The following EIF3B variants were observed in gnomAD, a reference collection of about 807,000 sequenced individuals.
EIF3B encodes the protein eukaryotic translation initiation factor 3 subunit 9.
EIF3B carries 10 observed loss-of-function variants against 104.6 expected under a neutral mutation model. The observed-to-expected ratio is 0.10, with a 90% CI of 0.06 to 0.16. The LOEUF (loss-of-function observed/expected upper bound fraction) is 0.16, where lower values mean the gene tolerates loss of function less well. EIF3B is among the 10% of genes least tolerant of loss of function. The pLI is 1.00. For synonymous variants in EIF3B, 542 were observed against 417.2 expected (o/e 1.30, Z -3.65); for missense variants, 1,014 against 1,087.9 (o/e 0.93, Z 0.96).
chr7:2,354,270 T>G (rs948079297), upstream of EIF3B: 1 of 152,282 alleles, frequency 6.6e-6, no homozygotes, highest in African/African-American at 2.4e-5. Context: ...GTGGGCCCTC[T>G]CTGGCTCGCC....
At chr7:2,355,477 G>T (rs1056504068) in intron 1 of EIF3B, 57 bp downstream of exon 1, 5 of 1,397,972 alleles carry the variant, frequency 3.6e-6, no homozygotes, top group Non-Finnish European at 3.7e-6. Flanking sequence ...TGGGGTTCCC[G>T]AGGTGGGAGA....
In EIF3B at chr7:2,355,268, G is replaced by T. The variant is rs1400912902; in HGVS notation, c.347G>T (p.Arg116Leu). The T allele has an allele frequency of 1.3e-6, 2 of 1,531,752 alleles. No homozygotes were observed. Among genetic ancestry groups the T allele is most frequent in the East Asian group, 2.5e-5 (1 of 40,648 alleles). 94.9% of individuals were successfully genotyped at this position (1,531,752 alleles called of 1,614,324 possible). Residue 116 changes from arginine to leucine, a missense_variant, in exon 1 of 19, where the codon CGC becomes CTC. Arg to Leu is a moderately radical substitution (Grantham distance 102, BLOSUM62 -2). Transcript: ENST00000360876. ...CCAGGAGAGCAGGCTCGGGACGAGCGCTCCGACAGCCGGGCCCAGGCGGTG... is the reference window on the plus strand; with the variant it reads ...CCAGGAGAGCAGGCTCGGGACGAGCTCTCCGACAGCCGGGCCCAGGCGGTG... Reference protein sequence around the residue: ...EAPGEQARDERSDSRAQAVSE... With the variant: ...EAPGEQARDELSDSRAQAVSE...
At chr7:2,354,312 T>G (rs7801817), upstream of EIF3B, 108,364 of 152,186 alleles carry the variant, frequency 0.71, 39,785 homozygotes, top group East Asian at 0.85. Context: ...AAGTAGTCTG[T>G]CCTTTTGCTC....
At chr7:2,363,587 T>A (rs938694908) in intron 4 of EIF3B, 45 bp from the exon 5 acceptor site, 2 of 1,551,294 alleles carry the variant, frequency 1.3e-6, no homozygotes, top group Non-Finnish European at 8.7e-7. Flanking sequence ...ATGAGTTTTT[T>A]ATTAAAATTA....
At position 2,369,491 on chromosome 7, in the gene EIF3B, G is replaced by A; in HGVS notation, c.1423G>A (p.Gly475Ser). ...SGIKDFSWSPGGNIIAFWVPE... is the reference protein window; with the variant it reads ...SGIKDFSWSPSGNIIAFWVPE... ...CTGCAGAGACTTTTCTTGGTCTCCTGGTGGTAACATAATCGCCTTCTGGGT... is the reference window on the plus strand; with the variant it reads ...CTGCAGAGACTTTTCTTGGTCTCCTAGTGGTAACATAATCGCCTTCTGGGT... Residue 475 changes from glycine to serine, a missense_variant, in exon 10 of 19, where the codon GGT becomes AGT. By Grantham distance (56) the Gly-to-Ser change is moderately conservative. This residue lies in a region of EIF3B where 201 missense variants were observed against 240.7 expected (regional missense o/e 0.83). Coordinates refer to ENST00000360876, the MANE Select transcript of EIF3B (RefSeq NM_001037283.2). The A allele has an allele frequency of 6.2e-7, 1 of 1,614,146 alleles. No individual in the cohort carries two copies. Among genetic ancestry groups the A allele is most frequent in the South Asian group, 1.1e-5 (1 of 91,086 alleles).
At chr7:2,363,182 G>T (rs547326254) in intron 4 of EIF3B, 55 bp downstream of exon 4, 40 of 1,541,318 alleles carry the variant, frequency 2.6e-5, no homozygotes, top group Non-Finnish European at 3.0e-5. Flanking sequence ...GCTGGGTGTG[G>T]TGGGTCACAC....
At chr7:2,376,898 G>A (rs769534476) in intron 14 of EIF3B, 52 bp from the exon 15 acceptor site, 6 of 1,582,240 alleles carry the variant, frequency 3.8e-6, no homozygotes, top group Non-Finnish European at 5.2e-6. Context: ...CATAGTCACG[G>A]TTGTGGCTCT....
intron 4 of EIF3B, 73 bp from the exon 5 acceptor site, chr7:2,363,559 T>A (rs772319472): frequency 3.6e-6 from 5 of 1,396,748 alleles, no homozygotes; most frequent in Non-Finnish European, 4.9e-6. Flanking sequence ...GTCATATCTT[T>A]AAGAGCAATA....
At chr7:2,371,727 C>G in intron 10 of EIF3B, 50 bp from the exon 11 acceptor site, 1 of 1,368,146 alleles carries the variant, frequency 7.3e-7, no homozygotes, top group Non-Finnish European at 1.0e-6. Context: ...AACCTTTTCT[C>G]ATATTTTCAC....
rs1169915408 is a variant in EIF3B at position 2,355,089 on chromosome 7, G to C, written c.168G>C (p.Gly56=). 2 of 1,335,002 alleles carry C rather than the reference G, an allele frequency of 1.5e-6. No homozygotes were observed. Among genetic ancestry groups the C allele is most frequent in the South Asian group, 3.7e-5 (2 of 53,958 alleles). The allele number at this position is 1,335,002 out of a possible 1,614,324, so 82.7% of individuals were successfully genotyped here. Residue 56 remains glycine (G), a synonymous_variant, in exon 1 of 19, where the codon GGG becomes GGC. Coordinates refer to ENST00000360876, the MANE Select transcript of EIF3B (RefSeq NM_001037283.2). The part of the protein sequence containing the change: ...AGTEASSEEV[G]IAEAGPESEV... ...CCGAGGCCTCCAGTGAGGAGGTGGGGATCGCGGAGGCCGGGCCGGAGTCCG... is the reference window on the plus strand; with the variant it reads ...CCGAGGCCTCCAGTGAGGAGGTGGGCATCGCGGAGGCCGGGCCGGAGTCCG...
In EIF3B at chr7:2,366,663, A is replaced by G. The variant is rs1037801741; in HGVS notation, c.1356+72A>G. On this transcript the variant is annotated intron_variant, in intron 8 of 18. Transcript: ENST00000360876. ...TAACCGGGGTGTGGTGCCTTTCCTT[A>G]TTTGTGCTAGAAGAGGAGGAGGAGG... 22 of 1,556,824 alleles carry G rather than the reference A, an allele frequency of 1.4e-5. No homozygotes were observed. The African/African-American group carries it at 1.9e-4, about 13-fold the overall frequency.
intron 8 of EIF3B, 148 bp downstream of exon 8, chr7:2,366,739 C>A: frequency 1.1e-6 from 1 of 934,262 alleles, no homozygotes; most frequent in Non-Finnish European, 1.6e-6. Flanking sequence ...TTAACTGCCC[C>A]TGCTCTGGGC....
In EIF3B at chr7:2,354,912, C is replaced by T. The variant is rs754872070; in HGVS notation, c.-10C>T. The stretch of plus-strand genomic sequence containing the variant: ...GCCGCGGAGCCCTGCGAGTAGGCAG[C>T]GTTGGGCCCATGCAGGACGCGGAGA... On this transcript the variant is annotated 5_prime_UTR_variant, in exon 1 of 19. Transcript: ENST00000360876. 23 of 1,215,516 alleles carry T rather than the reference C, an allele frequency of 1.9e-5. No individual in the cohort carries two copies. In the African/African-American group the frequency reaches 2.4e-4, roughly 13 times the overall value. The allele number at this position is 1,215,516 out of a possible 1,614,324, so 75.3% of individuals were successfully genotyped here.
chr7:2,359,490 G>C (rs534726591), intron 1 of EIF3B, among the ~76,000 whole-genome samples: 2 of 152,194 alleles, frequency 1.3e-5, no homozygotes, highest in Non-Finnish European at 2.9e-5. Flanking sequence ...CTTCTGCAGG[G>C]TGGTGGCCTG....
At chr7:2,369,025 A>T (rs1238888438) in intron 9 of EIF3B, among the ~76,000 whole-genome samples, 1 of 152,202 alleles carries the variant, frequency 6.6e-6, no homozygotes, top group Non-Finnish European at 1.5e-5. Flanking sequence ...GATAAAGTGG[A>T]GGGAGCTGCC....
intron 13 of EIF3B, chr7:2,375,038 C>G: frequency 2.9e-6 from 1 of 343,582 alleles, no homozygotes; most frequent in Non-Finnish European, 5.4e-6. Flanking sequence ...GTGTCGAAAT[C>G]ATGGAGAAGC....
Position 2,367,052 on chromosome 7 carries a change from A to G in EIF3B, c.1403+7A>G, listed in dbSNP as rs755183716. The G allele has an allele frequency of 1.9e-6, 3 of 1,607,614 alleles. No individual in the cohort carries two copies. The highest frequency in any genetic ancestry group is 2.5e-6 in the Non-Finnish European group (3 of 1,176,974). ...TGAAGATCTCTGGGATAAAGTGAGT[A>G]TTCTTATCAGTTTGGTGTCTTAGTG... is the stretch of plus-strand genomic sequence containing the variant. On this transcript the variant is annotated splice_region_variant and intron_variant, in intron 9 of 18. Coordinates refer to ENST00000360876, the MANE Select transcript of EIF3B (RefSeq NM_001037283.2).
At chr7:2,363,303 AATAC>A (rs1019727816) in intron 4 of EIF3B, among the ~76,000 whole-genome samples, 176 bp downstream of exon 4, 1 of 151,996 alleles carries the variant, frequency 6.6e-6, no homozygotes, top group African/African-American at 2.4e-5. Flanking sequence ...AAAGTAAATA[AATAC>A]ATACATTAGC....
intron 10 of EIF3B, 63 bp from the exon 11 acceptor site, chr7:2,371,714 T>G (rs1034029853): frequency 4.9e-5 from 63 of 1,282,530 alleles, no homozygotes; most frequent in Non-Finnish European, 7.2e-5. Flanking sequence ...GATCTTTGAT[T>G]TAAACCTTTT....
Sources: allele counts gnomAD v4.1 joint callset (sites outside exome capture counted in the v4.1 genomes callset), GRCh38; gene constraint gnomAD v4.1.1; regional missense constraint gnomAD v4.1.1; transcripts MANE v1.5; gene names NCBI Gene and HGNC (gene_info 2026-07-23, HGNC 2026-07-21).